Variants in UTS2 observed in about 807,000 individuals in gnomAD.
UTS2 encodes the protein urotensin 2, also known as urotensin-2.
UTS2 carries 10 observed loss-of-function variants against 12.6 expected under a neutral mutation model. The ratio of observed to expected loss-of-function variants is 0.80; its 90% CI spans 0.49 to 1.35. UTS2 has a LOEUF of 1.35. Ranked by LOEUF, UTS2 falls within the 40% of genes most tolerant of loss-of-function variation. The pLI is 0.00. For missense variants in UTS2, 142 were observed against 143.2 expected, an observed-to-expected ratio of 0.99 and a Z score of 0.04; for synonymous variants, 52 against 50.0, an observed-to-expected ratio of 1.04 and a Z score of -0.17.
chr1:7,871,556 A>G, the UTS2 span, among the ~76,000 whole-genome samples: 1 of 150,284 alleles, frequency 6.7e-6, no homozygotes, highest in Non-Finnish European at 1.5e-5. Flanking sequence ...TCTTCACTCA[A>G]TTGTACTTCA....
chr1:7,864,272 G>T, the UTS2 span, among the ~76,000 whole-genome samples: 1 of 152,152 alleles, frequency 6.6e-6, no homozygotes, highest in Non-Finnish European at 1.5e-5. Flanking sequence ...GCTGGCAGAT[G>T]GTCATCATGG....
chr1:7,858,403 A>G (rs191929589), upstream of UTS2, among the ~76,000 whole-genome samples: 2 of 152,248 alleles, frequency 1.3e-5, no homozygotes, highest in Non-Finnish European at 2.9e-5. Flanking sequence ...TCTGCGTGTC[A>G]TAAAGAAGTA....
intron 3 of UTS2, among the ~76,000 whole-genome samples, chr1:7,848,277 G>A (rs1236993043): frequency 5.3e-5 from 8 of 151,764 alleles, no homozygotes; most frequent in Admixed American, 1.3e-4. Context: ...ATGAAACCTC[G>A]TCTCTACAAA....
the UTS2 span, among the ~76,000 whole-genome samples, chr1:7,900,211 C>T: frequency 6.6e-6 from 1 of 151,978 alleles, no homozygotes; most frequent in African/African-American, 2.4e-5. Flanking sequence ...CCAGCCTGGG[C>T]AACATAGTGA....
At chr1:7,859,138 C>G in the UTS2 span, among the ~76,000 whole-genome samples, 1 of 152,144 alleles carries the variant, frequency 6.6e-6, no homozygotes, top group South Asian at 2.1e-4. Context: ...AGCTCATATT[C>G]AACTGACATT....
At chr1:7,857,230 A>ACCTCTGC (rs931080996), upstream of UTS2, among the ~76,000 whole-genome samples, 8 of 151,470 alleles carry the variant, frequency 5.3e-5, no homozygotes, top group African/African-American at 1.9e-4. Flanking sequence ...TGGCCTTCTG[A>ACCTCTGC]CCTCTGCCCT....
At chr1:7,908,484 A>T in the UTS2 span, among the ~76,000 whole-genome samples, 5 of 139,278 alleles carry the variant, frequency 3.6e-5, no homozygotes, top group African/African-American at 1.2e-4. Flanking sequence ...AAAAAAAGGG[A>T]TCATGACTAG....
chr1:7,877,617 G>A, the UTS2 span, among the ~76,000 whole-genome samples: 1 of 152,220 alleles, frequency 6.6e-6, no homozygotes, highest in African/African-American at 2.4e-5. Context: ...GCTCACGCCT[G>A]TAATCCCAGC....
At chr1:7,894,165 A>C in the UTS2 span, among the ~76,000 whole-genome samples, 15 of 124,574 alleles carry the variant, frequency 1.2e-4, no homozygotes, top group East Asian at 2.5e-3. Flanking sequence ...TTCTTTCTTT[A>C]TCTCTCTCTT....
At chr1:7,883,487 A>G in the UTS2 span, among the ~76,000 whole-genome samples, 1 of 152,206 alleles carries the variant, frequency 6.6e-6, no homozygotes, top group Non-Finnish European at 1.5e-5. Flanking sequence ...CTATGGTTAC[A>G]TTACATGTTA....
chr1:7,875,078 T>G, the UTS2 span, among the ~76,000 whole-genome samples: 4 of 151,806 alleles, frequency 2.6e-5, no homozygotes, highest in African/African-American at 9.7e-5. Context: ...TTTTTCTTTT[T>G]CTTTTTCTTT....
the UTS2 span, among the ~76,000 whole-genome samples, chr1:7,876,667 G>GA: frequency 1.3e-5 from 2 of 151,764 alleles, no homozygotes; most frequent in Non-Finnish European, 2.9e-5. Context: ...CACTGGTGCT[G>GA]AAAAAAAATC....
chr1:7,879,057 A>G, the UTS2 span, among the ~76,000 whole-genome samples: 13 of 152,322 alleles, frequency 8.5e-5, no homozygotes, highest in Admixed American at 7.2e-4. Context: ...CAATACAATA[A>G]CAGTTGGAGA....
In UTS2 at chr1:7,850,937, CAG is replaced by C; in HGVS notation, c.104-17_104-16del. Reference sequence around the variant, plus strand: ...TTCATGAGGTGCTACAGAGTAAAAACAGATACTTAGAATTGGGTTCATCCTTC... The same window carrying C: ...TTCATGAGGTGCTACAGAGTAAAAACATACTTAGAATTGGGTTCATCCTTC... On this transcript the variant is annotated splice_polypyrimidine_tract_variant and intron_variant, in intron 1 of 3. Transcript: ENST00000361696. 2 of 1,613,336 alleles carry C rather than the reference CAG, an allele frequency of 1.2e-6. No individual in the cohort carries two copies. The highest frequency in any genetic ancestry group is 1.7e-6 in the Non-Finnish European group (2 of 1,179,524).
At chr1:7,849,560 A>G (rs1360134871) in intron 3 of UTS2, 80 bp downstream of exon 3, 4 of 1,267,298 alleles carry the variant, frequency 3.2e-6, no homozygotes, top group African/African-American at 1.5e-5. Flanking sequence ...ACACTCCTCT[A>G]GTTCATGAAT....
the UTS2 span, among the ~76,000 whole-genome samples, chr1:7,863,057 T>C: frequency 0.017 from 1,261 of 75,750 alleles, 60 homozygotes; most frequent in African/African-American, 0.058. Flanking sequence ...TGTATTGTAT[T>C]GTATTGTATT....
the UTS2 span, among the ~76,000 whole-genome samples, chr1:7,891,215 A>G: frequency 6.6e-6 from 1 of 152,160 alleles, no homozygotes; most frequent in Non-Finnish European, 1.5e-5. Context: ...TATCGGTTAG[A>G]GAGGAGGAAC....
chr1:7,850,983 C>G, intron 1 of UTS2, 61 bp from the exon 2 acceptor site: 1 of 1,548,318 alleles, frequency 6.5e-7, no homozygotes. Flanking sequence ...ATTTCTGTTC[C>G]TTGTGTCTTT....
the UTS2 span, among the ~76,000 whole-genome samples, chr1:7,903,130 C>CCTTTTTTTAAT: frequency 3.2e-3 from 106 of 33,550 alleles, 1 homozygote; most frequent in South Asian, 5.9e-3. Context: ...TCCCCTCCTT[C>CCTTTTTTTAAT]TCCTGCTTCC....
Sources: gnomAD v4.1 joint callset for allele counts (sites outside exome capture counted in the v4.1 genomes callset) on GRCh38, gnomAD v4.1.1 for gene constraint, MANE v1.5 for transcripts, NCBI Gene and HGNC (gene_info 2026-07-23, HGNC 2026-07-21) for gene names.